The following CAP1 variants were observed in gnomAD, a reference collection of about 807,000 sequenced individuals.
CAP1 encodes adenylyl cyclase-associated protein 1.
A neutral mutation model predicts 58.2 loss-of-function variants in CAP1; 11 were observed. That is an observed-to-expected ratio of 0.19 (90% CI 0.12 to 0.31). The LOEUF is 0.31. CAP1 is among the 10% of genes least tolerant of loss of function. The probability of loss-of-function intolerance (pLI) is 1.00; values close to 1 mark genes in which losing one functional copy is unlikely to be tolerated. For synonymous variants in CAP1, 183 were observed against 213.8 expected (o/e 0.86, Z 1.26); for missense variants, 423 against 587.5 (o/e 0.72, Z 2.89).
intron 4 of CAP1, among the ~76,000 whole-genome samples, chr1:40,062,205 C>T (rs1289812668): frequency 8.7e-6 from 1 of 114,446 alleles, no homozygotes; most frequent in Non-Finnish European, 1.9e-5. Context: ...CTCTCCTCAT[C>T]CTTCACTGGT....
intron 1 of CAP1, among the ~76,000 whole-genome samples, chr1:40,054,992 G>T (rs1345018879): frequency 6.6e-6 from 1 of 152,160 alleles, no homozygotes; most frequent in Non-Finnish European, 1.5e-5. Context: ...GCAGTGTTGT[G>T]ACACAGATAA....
chr1:40,051,245 A>G (rs1040288499), intron 1 of CAP1, among the ~76,000 whole-genome samples: 2 of 152,206 alleles, frequency 1.3e-5, no homozygotes, highest in Non-Finnish European at 2.9e-5. Context: ...GGATATTCCC[A>G]TAATAAAACT....
chr1:40,067,774 C>A, intron 8 of CAP1, 57 bp downstream of exon 8: 1 of 1,290,056 alleles, frequency 7.8e-7, no homozygotes, highest in Non-Finnish European at 1.1e-6. Flanking sequence ...GGCCAGACCC[C>A]ACCAACCAGA....
In CAP1 at chr1:40,070,959, C is replaced by T; in HGVS notation, c.1324C>T (p.Pro442Ser). 1 of 1,612,874 alleles carries T rather than the reference C, an allele frequency of 6.2e-7. No individual in the cohort carries two copies. Among genetic ancestry groups the T allele is most frequent in the Non-Finnish European group, 8.5e-7 (1 of 1,179,548 alleles). Reference sequence around the variant, plus strand: ...ATCTTCCGAGATGAATGTCCTCATTCCTACAGAAGGCGGTGACTTTGTAAG... The same window carrying T: ...ATCTTCCGAGATGAATGTCCTCATTTCTACAGAAGGCGGTGACTTTGTAAG... ...AKSSEMNVLI[P>S]TEGGDFNEFP... The change falls in exon 12 of 13, where the codon CCT becomes TCT. Residue 442 changes from proline (P) to serine (S), a missense_variant. Coordinates refer to ENST00000372805, the MANE Select transcript of CAP1 (RefSeq NM_006367.4).
intron 6 of CAP1, 50 bp downstream of exon 6, chr1:40,064,609 C>G: frequency 2.1e-6 from 3 of 1,395,500 alleles, no homozygotes; most frequent in Non-Finnish European, 2.0e-6. Context: ...CAGTGTCTTG[C>G]GTTGTCACCC....
chr1:40,041,624 T>A (rs948772467), intron 1 of CAP1: 1 of 151,800 alleles, frequency 6.6e-6, no homozygotes, highest in Non-Finnish European at 1.5e-5. Flanking sequence ...AGATCTCTGC[T>A]GACCCCACAA....
chr1:40,069,759 T>C lies in CAP1; in HGVS notation c.878T>C (p.Val293Ala), dbSNP rs11556939. 6.2e-7 allele frequency: 1 copy of C among 1,613,724 alleles called. No homozygotes were observed. Residue 293 changes from valine (V) to alanine (A), a missense_variant, in exon 9 of 13, where the codon GTA becomes GCA. Val to Ala is a moderately conservative substitution (Grantham distance 64, BLOSUM62 0). Coordinates refer to ENST00000372805, the MANE Select transcript of CAP1 (RefSeq NM_006367.4). ...GCCCTGAAGGCTCAGAGTGGTCCAG[T>C]ACGCAGTGGCCCCAAACCATTCTCT... ...NPALKAQSGP[V>A]RSGPKPFSAP...
chr1:40,071,067 C>G (rs1647865850), intron 12 of CAP1, 88 bp downstream of exon 12: 3 of 1,266,172 alleles, frequency 2.4e-6, no homozygotes, highest in East Asian at 2.3e-5. Context: ...TATGAACATT[C>G]TGCACTGAGC....
chr1:40,060,343 C>T (rs552402172), intron 3 of CAP1, among the ~76,000 whole-genome samples, 173 bp downstream of exon 3: 147 of 152,098 alleles, frequency 9.7e-4, no homozygotes, highest in Non-Finnish European at 1.7e-3. Context: ...GCCACAGAAA[C>T]GATTCCTCAT....
intron 1 of CAP1, among the ~76,000 whole-genome samples, chr1:40,054,262 C>T (rs911951376): frequency 6.7e-6 from 1 of 149,898 alleles, no homozygotes; most frequent in Non-Finnish European, 1.5e-5. Context: ...GCAATCTCAG[C>T]TTACTGCAAC....
intron 1 of CAP1, among the ~76,000 whole-genome samples, chr1:40,052,472 T>C (rs1398715197): frequency 6.6e-6 from 1 of 152,190 alleles, no homozygotes; most frequent in Non-Finnish European, 1.5e-5. Flanking sequence ...TCTTGGTTAT[T>C]GACAATTAGA....
chr1:40,049,486 C>T (rs187753379), intron 1 of CAP1, among the ~76,000 whole-genome samples: 1 of 152,160 alleles, frequency 6.6e-6, no homozygotes, highest in Non-Finnish European at 1.5e-5. Context: ...GCTGAGATTA[C>T]AGGCCTGAGC....
intron 4 of CAP1, among the ~76,000 whole-genome samples, chr1:40,062,059 T>C (rs541351151): frequency 6.4e-4 from 98 of 152,314 alleles, no homozygotes; most frequent in African/African-American, 2.3e-3. Context: ...CCTGGGACTT[T>C]GCTTGCCTGC....
chr1:40,050,872 G>A (rs1007465286), intron 1 of CAP1, among the ~76,000 whole-genome samples: 8 of 151,964 alleles, frequency 5.3e-5, no homozygotes, highest in Non-Finnish European at 1.0e-4. Flanking sequence ...TGATCACAAC[G>A]TCAAATTTAA....
Position 40,059,428 on chromosome 1 carries a change from C to A in CAP1, c.82C>A (p.His28Asn). 6.2e-7 allele frequency: 1 copy of A among 1,611,214 alleles called. No individual in the cohort carries two copies. The highest frequency in any genetic ancestry group is 8.5e-7 in the Non-Finnish European group (1 of 1,177,326). ...LEAVSHTSDM[H>N]RGYADSPSKA... The stretch of plus-strand genomic sequence containing the variant: ...GGCAGTATCTCATACCTCTGACATG[C>A]ACCGTGGGTATGCAGACAGTCCTTC... Residue 28 changes from histidine (H) to asparagine (N), a missense_variant, in exon 2 of 13, where the codon CAC becomes AAC. Physicochemically the swap from His to Asn is moderately conservative, Grantham distance 68. Coordinates refer to ENST00000372805, the MANE Select transcript of CAP1 (RefSeq NM_006367.4).
chr1:40,063,175 C>T (rs552706034), intron 4 of CAP1, among the ~76,000 whole-genome samples: 14 of 148,284 alleles, frequency 9.4e-5, no homozygotes, highest in South Asian at 4.3e-4. Flanking sequence ...TATTTACTTA[C>T]TTATTTATTT....
At chr1:40,064,979 C>G (rs1326910074) in intron 6 of CAP1, among the ~76,000 whole-genome samples, 1 of 152,174 alleles carries the variant, frequency 6.6e-6, no homozygotes, top group Admixed American at 6.5e-5. Context: ...CTCAGGGCTG[C>G]TTTCTGGAGA....
At chr1:40,054,508 T>TA (rs1323171362) in intron 1 of CAP1, among the ~76,000 whole-genome samples, 11 of 152,132 alleles carry the variant, frequency 7.2e-5, no homozygotes, top group Admixed American at 7.2e-4. Flanking sequence ...GTAGTGGAAT[T>TA]ACAGTGGCAA....
chr1:40,072,252 G>GAAAA lies in CAP1; in HGVS notation c.*735_*738dup, dbSNP rs61352266. On this transcript the variant is annotated 3_prime_UTR_variant, in exon 13 of 13. Coordinates refer to ENST00000372805, the MANE Select transcript of CAP1 (RefSeq NM_006367.4). ...CTTCCTATAGAGATGACTTTAAAAG[G>GAAAA]AAAAAAAAAAAAAAAAAAACCCACA... is the stretch of plus-strand genomic sequence containing the variant. 2.5e-5 allele frequency: 4 copies of GAAAA among 160,724 alleles called. No individual in the cohort carries two copies. The highest frequency in any genetic ancestry group is 9.9e-5 in the African/African-American group (2 of 20,228). The allele number at this position is 160,724 out of a possible 1,614,324, so 10.0% of individuals were successfully genotyped here.
Sources: gnomAD v4.1 joint callset for allele counts (sites outside exome capture counted in the v4.1 genomes callset) on GRCh38, gnomAD v4.1.1 for gene constraint, MANE v1.5 for transcripts, NCBI Gene and HGNC (gene_info 2026-07-23, HGNC 2026-07-21) for gene names.